Variants in MYO3B observed in about 807,000 individuals in gnomAD.
The protein encoded by MYO3B is myosin-IIIb.
MYO3B carries 156 observed loss-of-function variants against 174.6 expected under a neutral mutation model. That is an observed-to-expected ratio of 0.89 (90% CI 0.78 to 1.02). The LOEUF is 1.02. Among genes scored for constraint, MYO3B ranks in the 50% least tolerant of loss-of-function variants. The probability of loss-of-function intolerance (pLI) is 0.00; values close to 1 mark genes in which losing one functional copy is unlikely to be tolerated. For missense variants in MYO3B, 1,632 were observed against 1,639.4 expected (o/e 1.00, Z 0.08); for synonymous variants, 563 against 569.1 (o/e 0.99, Z 0.15).
intron 32 of MYO3B, among the ~76,000 whole-genome samples, chr2:170,624,920 T>A (rs1281739108): frequency 6.6e-6 from 1 of 152,216 alleles, no homozygotes; most frequent in Admixed American, 6.5e-5. Flanking sequence ...TGAAGCCCAC[T>A]TGATCATGGT....
chr2:170,608,412 A>G (rs1330880851), intron 32 of MYO3B, among the ~76,000 whole-genome samples: 3 of 152,226 alleles, frequency 2.0e-5, no homozygotes, highest in Non-Finnish European at 4.4e-5. Context: ...CTTTGTAAGC[A>G]TTACTTTGAC....
At chr2:170,580,980 G>C (rs1461805945) in intron 32 of MYO3B, among the ~76,000 whole-genome samples, 1 of 152,030 alleles carries the variant, frequency 6.6e-6, no homozygotes, top group Non-Finnish European at 1.5e-5. Flanking sequence ...TGTGATGGAT[G>C]TTCTTGTATA....
At chr2:170,215,723 A>C (rs1418262306) in intron 5 of MYO3B, among the ~76,000 whole-genome samples, 2 of 152,206 alleles carry the variant, frequency 1.3e-5, no homozygotes, top group Non-Finnish European at 2.9e-5. Flanking sequence ...AAAATAGCAG[A>C]GGGAGCATTT....
At chr2:170,627,963 G>C (rs568504802) in intron 32 of MYO3B, among the ~76,000 whole-genome samples, 2 of 152,146 alleles carry the variant, frequency 1.3e-5, no homozygotes, top group Non-Finnish European at 2.9e-5. Flanking sequence ...TGCCCCTACT[G>C]GGGGGTGCCT....
Position 170,283,466 on chromosome 2 carries a change from G to A in MYO3B, c.749+47330G>A, listed in dbSNP as rs536387750. 1.1e-4 allele frequency among the ~76,000 whole-genome samples: 16 copies of A among 152,212 alleles called. No individual in the cohort carries two copies. In the East Asian group the frequency reaches 3.1e-3, roughly 29 times the overall value. ...ATTTTTGTTCTTTTTGCAGAAGTTC[G>A]TGTCCTGTACCTCTGGTCAGCCATC... On this transcript the variant is annotated intron_variant, in intron 7 of 34. Coordinates refer to ENST00000408978, the MANE Select transcript of MYO3B (RefSeq NM_138995.5).
chr2:170,425,105 A>G (rs1424596701), intron 22 of MYO3B, among the ~76,000 whole-genome samples: 1 of 152,192 alleles, frequency 6.6e-6, no homozygotes, highest in Non-Finnish European at 1.5e-5. Context: ...TTAGTAACAG[A>G]TACCTCCTGG....
intron 7 of MYO3B, among the ~76,000 whole-genome samples, chr2:170,302,537 A>G (rs1314490934): frequency 6.6e-6 from 1 of 152,212 alleles, no homozygotes; most frequent in Non-Finnish European, 1.5e-5. Flanking sequence ...AGTGGTTCCC[A>G]AACTTCTTCC....
intron 7 of MYO3B, among the ~76,000 whole-genome samples, chr2:170,261,727 G>A (rs143503888): frequency 1.2e-3 from 186 of 152,250 alleles, no homozygotes; most frequent in African/African-American, 4.1e-3. Flanking sequence ...GCATTGTTTC[G>A]CATTGTTTCA....
intron 28 of MYO3B, among the ~76,000 whole-genome samples, chr2:170,508,951 C>A (rs1048619952): frequency 6.6e-6 from 1 of 152,142 alleles, no homozygotes; most frequent in Non-Finnish European, 1.5e-5. Context: ...GCTCATGGTA[C>A]GTATTCACTA....
At chr2:170,621,148 C>T (rs1317663664) in intron 32 of MYO3B, among the ~76,000 whole-genome samples, 1 of 152,120 alleles carries the variant, frequency 6.6e-6, no homozygotes, top group African/African-American at 2.4e-5. Flanking sequence ...CTCGGCCTCC[C>T]AAAGTGCTGG....
At chr2:170,436,112 C>T (rs1171745863) in intron 22 of MYO3B, among the ~76,000 whole-genome samples, 1 of 152,168 alleles carries the variant, frequency 6.6e-6, no homozygotes, top group Non-Finnish European at 1.5e-5. Context: ...TAACACAGTT[C>T]CCACATAGGA....
At chr2:170,471,797 G>A (rs1684991462) in intron 25 of MYO3B, among the ~76,000 whole-genome samples, 1 of 152,058 alleles carries the variant, frequency 6.6e-6, no homozygotes, top group Non-Finnish European at 1.5e-5. Flanking sequence ...TTCGAGACCA[G>A]CCTGATTAAC....
At chr2:170,502,795 T>G (rs979152550) in intron 28 of MYO3B, among the ~76,000 whole-genome samples, 2 of 152,198 alleles carry the variant, frequency 1.3e-5, no homozygotes, top group Non-Finnish European at 2.9e-5. Flanking sequence ...TGAAGGAAAC[T>G]CTTAAATAAA....
chr2:170,254,920 C>G (rs2093290508), intron 7 of MYO3B, among the ~76,000 whole-genome samples: 1 of 152,162 alleles, frequency 6.6e-6, no homozygotes, highest in South Asian at 2.1e-4. Flanking sequence ...TAGGACAAAA[C>G]TAGTTGAGTG....
At chr2:170,625,570 C>A (rs1343498516) in intron 32 of MYO3B, among the ~76,000 whole-genome samples, 2 of 152,118 alleles carry the variant, frequency 1.3e-5, no homozygotes, top group Non-Finnish European at 2.9e-5. Context: ...CTGCTCTGAT[C>A]TTAGTTATTT....
At chr2:170,631,668 C>G (rs1397598523) in intron 32 of MYO3B, among the ~76,000 whole-genome samples, 1 of 151,982 alleles carries the variant, frequency 6.6e-6, no homozygotes, top group Non-Finnish European at 1.5e-5. Context: ...GGTCGGGTTA[C>G]CCACAAAGGG....
At chr2:170,178,924 G>A (rs2105293147) in intron 1 of MYO3B, among the ~76,000 whole-genome samples, 1 of 152,222 alleles carries the variant, frequency 6.6e-6, no homozygotes, top group South Asian at 2.1e-4. Context: ...AACAATAGTA[G>A]ATAAATTCCA....
chr2:170,624,497 C>T (rs574371867), intron 32 of MYO3B, among the ~76,000 whole-genome samples: 30 of 152,330 alleles, frequency 2.0e-4, no homozygotes, highest in Non-Finnish European at 2.1e-4. Flanking sequence ...GATATACAAT[C>T]ATGTCATCTG....
intron 22 of MYO3B, among the ~76,000 whole-genome samples, chr2:170,427,759 A>G (rs543830822): frequency 6.6e-6 from 1 of 152,336 alleles, no homozygotes; most frequent in South Asian, 2.1e-4. Flanking sequence ...GACATGGAAT[A>G]GTCATTCTTT....
Sources: allele counts gnomAD v4.1 joint callset (sites outside exome capture counted in the v4.1 genomes callset), GRCh38; gene constraint gnomAD v4.1.1; transcripts MANE v1.5; gene names NCBI Gene and HGNC (gene_info 2026-07-23, HGNC 2026-07-21).